VLDLR: variants seen among roughly 807,000 people sequenced by gnomAD.
VLDLR encodes very low density lipoprotein receptor.
A neutral mutation model predicts 112.7 loss-of-function variants in VLDLR; 81 were observed. The ratio of observed to expected loss-of-function variants is 0.72; its 90% CI spans 0.60 to 0.86. The LOEUF (loss-of-function observed/expected upper bound fraction) is 0.86. Ranked by LOEUF, VLDLR falls within the 40% of genes least tolerant of loss-of-function variation. VLDLR has a pLI of 0.00. For synonymous variants in VLDLR, 436 were observed against 384.8 expected (o/e 1.13, Z -1.56); for missense variants, 1,237 against 1,099.4 (o/e 1.13, Z -1.77).
chr9:2,655,386 A>T lies in VLDLR; in HGVS notation c.*1518A>T, dbSNP rs961649623. 6.6e-6 allele frequency: 1 copy of T among 152,198 alleles called. No homozygotes were observed. The highest frequency in any genetic ancestry group is 2.4e-5 in the African/African-American group (1 of 41,440). 9.4% of individuals were successfully genotyped at this position (152,198 alleles called of 1,614,324 possible). A position where few individuals can be genotyped will look rare whatever the true frequency, so the allele number is the denominator to read the frequency against. On this transcript the variant is annotated 3_prime_UTR_variant, in exon 19 of 19. Coordinates refer to ENST00000382100, the MANE Select transcript of VLDLR (RefSeq NM_003383.5). The stretch of plus-strand genomic sequence containing the variant: ...GAAGCAAGGAAAGACAAAAGACTTG[A>T]AGCACCGGGTGCATGCTGTGTGTCA...
chr9:2,650,373 A>G lies in VLDLR; in HGVS notation c.2108A>G (p.Lys703Arg). ...VYHELVQPSG[K>R]NWCEEDMENG... ...TGGTATTTTTTTTCCTGACTAGGTA[A>G]AAATTGGTGTGAAGAAGACATGGAG... Residue 703 changes from lysine to arginine, a missense_variant, in exon 15 of 19, where the codon AAA (lysine) becomes AGA (arginine). By Grantham distance (26) the Lys-to-Arg change is conservative. Coordinates refer to ENST00000382100, the MANE Select transcript of VLDLR (RefSeq NM_003383.5). 6.2e-7 allele frequency: 1 copy of G among 1,614,108 alleles called. No homozygotes were observed. The highest frequency in any genetic ancestry group is 8.5e-7 in the Non-Finnish European group (1 of 1,180,018).
rs760889747 is a variant in VLDLR, at chr9:2,648,817, T to C, written c.2104+7T>C. On this transcript the variant is annotated splice_region_variant and intron_variant, in intron 14 of 18. Coordinates refer to ENST00000382100, the MANE Select transcript of VLDLR (RefSeq NM_003383.5). ...GAACTTGTACAGCCATCAGGTACCG[T>C]GGAGAAGCACAGTCCTTAATAACTA... The C allele has an allele frequency of 1.2e-5, 19 of 1,614,048 alleles. No individual in the cohort carries two copies. In the Admixed American group the frequency reaches 1.7e-4, roughly 14 times the overall value.
intron 1 of VLDLR, among the ~76,000 whole-genome samples, chr9:2,622,724 A>G (rs545912218): frequency 6.6e-5 from 10 of 151,500 alleles, no homozygotes; most frequent in African/African-American, 2.2e-4. Context: ...ACGGGGGGAG[A>G]AGGTGAGCGC....
At chr9:2,648,126 GATT>G in intron 12 of VLDLR, 79 bp from the exon 13 acceptor site, 1 of 1,579,180 alleles carries the variant, frequency 6.3e-7, no homozygotes. Flanking sequence ...CGTGAAAGTA[GATT>G]ATTAATTCAT....
At chr9:2,652,087 T>C in intron 17 of VLDLR, 133 bp downstream of exon 17, 4 of 816,190 alleles carry the variant, frequency 4.9e-6, no homozygotes, top group Non-Finnish European at 8.1e-6. Flanking sequence ...TTACGTTCGC[T>C]TTCTCCCCCA....
At chr9:2,622,516 C>G in intron 1 of VLDLR, 2 of 433,748 alleles carry the variant, frequency 4.6e-6, no homozygotes, top group South Asian at 1.2e-4. Context: ...GTCTTCTGCC[C>G]CTCACTCCGC....
intron 2 of VLDLR, among the ~76,000 whole-genome samples, chr9:2,636,452 T>C (rs1243299478): frequency 6.6e-6 from 1 of 152,268 alleles, no homozygotes; most frequent in Non-Finnish European, 1.5e-5. Flanking sequence ...CATCTTGTTA[T>C]GCCTTTACCT....
In VLDLR at chr9:2,643,720, G is replaced by A. The variant is rs758843883; in HGVS notation, c.913G>A (p.Asp305Asn). 8 of 1,614,060 alleles carry A rather than the reference G, an allele frequency of 5.0e-6. No homozygotes were observed. The highest frequency in any genetic ancestry group is 2.2e-5 in the East Asian group (1 of 44,892). Residue 305 changes from aspartate to asparagine, a missense_variant, in exon 6 of 19, where the codon GAT (aspartate) becomes AAT (asparagine). Transcript: ENST00000382100. ...RQCNGIRDCV[D>N]GSDEVNCKNV... ...GTGTAATGGTATCCGAGACTGTGTCGATGGTTCCGATGAAGTCAACTGCAA... is the reference window on the plus strand; with the variant it reads ...GTGTAATGGTATCCGAGACTGTGTCAATGGTTCCGATGAAGTCAACTGCAA...
At chr9:2,642,959 GTTC>G (rs1027548628) in intron 4 of VLDLR, among the ~76,000 whole-genome samples, 198 bp from the exon 5 acceptor site, 10 of 152,050 alleles carry the variant, frequency 6.6e-5, no homozygotes, top group East Asian at 3.9e-4. Flanking sequence ...CTTTATTTCT[GTTC>G]TTCTTATTTA....
At chr9:2,637,022 T>TAGG (rs1381382330) in intron 2 of VLDLR, among the ~76,000 whole-genome samples, 3 of 152,278 alleles carry the variant, frequency 2.0e-5, no homozygotes, top group African/African-American at 7.2e-5. Context: ...AGCCACATGG[T>TAGG]AGGAGAGTTT....
chr9:2,640,322 A>C (rs1451668885), intron 3 of VLDLR, among the ~76,000 whole-genome samples: 1 of 152,216 alleles, frequency 6.6e-6, no homozygotes, highest in Non-Finnish European at 1.5e-5. Context: ...CTGGAAGCTA[A>C]GTCAAGAAGT....
chr9:2,640,112 A>C, intron 3 of VLDLR, 131 bp downstream of exon 3: 1 of 1,421,356 alleles, frequency 7.0e-7, no homozygotes, highest in Non-Finnish European at 9.9e-7. Context: ...AATTGACTCC[A>C]AGGGCAGTCA....
chr9:2,658,997 G>C lies in VLDLR; in HGVS notation c.*5129G>C, dbSNP rs775303728. 12 of 152,122 alleles carry C rather than the reference G, an allele frequency of 7.9e-5. No individual in the cohort carries two copies. The highest frequency in any genetic ancestry group is 1.2e-4 in the Non-Finnish European group (8 of 68,022). The allele number at this position is 152,122 out of a possible 1,614,324, so 9.4% of individuals were successfully genotyped here. A position where few individuals can be genotyped will look rare whatever the true frequency, so the allele number is the denominator to read the frequency against. ...ACATAAATGGAATGTTTCTGCCTCAGTTCTTTTGACTACCTCCTAGGACAT... is the reference window on the plus strand; with the variant it reads ...ACATAAATGGAATGTTTCTGCCTCACTTCTTTTGACTACCTCCTAGGACAT... On this transcript the variant is annotated 3_prime_UTR_variant, in exon 19 of 19. Transcript: ENST00000382100.
At chr9:2,653,744 C>A in intron 18 of VLDLR, 89 bp from the exon 19 acceptor site, 1 of 1,418,370 alleles carries the variant, frequency 7.1e-7, no homozygotes, top group Admixed American at 1.7e-5. Flanking sequence ...GTTTGAATGA[C>A]CAACTCAAAA....
At chr9:2,635,686 A>T (rs1285834666) in intron 2 of VLDLR, 114 bp downstream of exon 2, 44 of 1,500,520 alleles carry the variant, frequency 2.9e-5, no homozygotes, top group South Asian at 3.5e-5. Flanking sequence ...GCTTTGAAAG[A>T]ATCTATACTT....
At chr9:2,644,900 T>TA in intron 8 of VLDLR, 47 bp downstream of exon 8, 3 of 1,613,998 alleles carry the variant, frequency 1.9e-6, no homozygotes, top group Non-Finnish European at 2.5e-6. Flanking sequence ...TGGGAAAGGA[T>TA]AGTATGTACC....
chr9:2,654,195 C>G lies in VLDLR; in HGVS notation c.*327C>G. On this transcript the variant is annotated 3_prime_UTR_variant, in exon 19 of 19. Transcript: ENST00000382100. ...AAACTTGTGCTATAGTGTATACCAC[C>G]TGTACATACATTGTATAGGCCATCT... 2.7e-6 allele frequency: 1 copy of G among 370,684 alleles called. No homozygotes were observed. Among genetic ancestry groups the G allele is most frequent in the South Asian group, 2.5e-5 (1 of 39,866 alleles). The allele number at this position is 370,684 out of a possible 1,614,324, so 23.0% of individuals were successfully genotyped here. A position where few individuals can be genotyped will look rare whatever the true frequency, so the allele number is the denominator to read the frequency against.
At chr9:2,630,328 A>G (rs573311551) in intron 1 of VLDLR, among the ~76,000 whole-genome samples, 2 of 152,300 alleles carry the variant, frequency 1.3e-5, no homozygotes, top group East Asian at 3.9e-4. Context: ...AGTGAACTAG[A>G]CTAAAAATAA....
At chr9:2,641,867 C>G (rs1005994363) in intron 4 of VLDLR, among the ~76,000 whole-genome samples, 3 of 150,798 alleles carry the variant, frequency 2.0e-5, no homozygotes, top group Non-Finnish European at 4.4e-5. Flanking sequence ...TTGGCAAACA[C>G]ATTCATAGGT....
Sources: allele counts gnomAD v4.1 joint callset (sites outside exome capture counted in the v4.1 genomes callset), GRCh38; gene constraint gnomAD v4.1.1; transcripts MANE v1.5; gene names NCBI Gene and HGNC (gene_info 2026-07-23, HGNC 2026-07-21).